The following CBFA2T3 variants were observed in gnomAD, a reference collection of about 807,000 sequenced individuals.
CBFA2T3 encodes the protein CBFA2/RUNX1 partner transcriptional co-repressor 3.
In CBFA2T3, 31 loss-of-function variants were observed where a neutral mutation model predicts 58.6. That is an observed-to-expected ratio of 0.53 (90% confidence interval 0.40 to 0.71). The LOEUF (loss-of-function observed/expected upper bound fraction) is 0.71. CBFA2T3 is among the 30% of genes least tolerant of loss of function. CBFA2T3 has a pLI of 0.00. For missense variants in CBFA2T3, 1,076 were observed against 963.1 expected (o/e 1.12, Z -1.55); for synonymous variants, 531 against 421.9 (o/e 1.26, Z -3.17).
rs141249194 is a variant in CBFA2T3 at position 88,901,576 on chromosome 16, G to C, written c.232C>G (p.Pro78Ala). 3.3e-6 allele frequency: 5 copies of C among 1,503,302 alleles called. No homozygotes were observed. In the Admixed American group the frequency reaches 8.1e-5, roughly 24 times the overall value. 93.1% of individuals were successfully genotyped at this position (1,503,302 alleles called of 1,614,324 possible). Residue 78 changes from proline (P) to alanine (A), a missense_variant, in exon 2 of 12, where the codon CCC becomes GCC. Transcript: ENST00000268679. Reference protein sequence around the residue: ...EVKTQPRSTPPSMPPPPPAAS... With the variant: ...EVKTQPRSTPASMPPPPPAAS... ...GCAGGCGGTGGGGGCGGCATGCTGG[G>C]GGGTGTGGACCGGGGCTGCGTCTTC...
chr16:88,891,756 T>C (rs1597678952), intron 5 of CBFA2T3, 126 bp downstream of exon 5: 4 of 673,162 alleles, frequency 5.9e-6, no homozygotes, highest in Non-Finnish European at 7.9e-6. Flanking sequence ...CACCTCTTCA[T>C]CCACCTGCCT....
intron 1 of CBFA2T3, chr16:88,951,011 G>A (rs111581529): frequency 7.8e-6 from 3 of 384,314 alleles, no homozygotes; most frequent in Admixed American, 2.9e-5. Flanking sequence ...TTCACCCCTC[G>A]CCTGGACCGG....
intron 1 of CBFA2T3, among the ~76,000 whole-genome samples, chr16:88,967,284 C>T (rs1316079363): frequency 6.6e-6 from 1 of 152,010 alleles, no homozygotes; most frequent in African/African-American, 2.4e-5. Context: ...CAGTCAGCCT[C>T]GCAGGTGTCG....
rs550135425 is a variant in CBFA2T3 at position 88,887,452 on chromosome 16, G to A, written c.712-1310C>T. ...ACATCTGGATCCCTGGCTGGCTGGG[G>A]CCAGCTGAGGCCAGCTGGGAGCCGG... On this transcript the variant is annotated intron_variant, in intron 5 of 11. Coordinates refer to ENST00000268679, the MANE Select transcript of CBFA2T3 (RefSeq NM_005187.6). Among the ~76,000 whole-genome samples, 18 of 152,312 alleles carry A rather than the reference G, an allele frequency of 1.2e-4. No homozygotes were observed. In the East Asian group the frequency reaches 2.9e-3, roughly 24 times the overall value.
At position 88,876,879 on chromosome 16, in the gene CBFA2T3, CAGGCCAGGCATCGG is replaced by C; in HGVS notation, c.*83_*96del. 1.0e-6 allele frequency: 1 copy of C among 997,310 alleles called. No individual in the cohort carries two copies. The highest frequency in any genetic ancestry group is 1.4e-6 in the Non-Finnish European group (1 of 726,140). 61.8% of individuals were successfully genotyped at this position (997,310 alleles called of 1,614,324 possible). A position where few individuals can be genotyped will look rare whatever the true frequency, so the allele number is the denominator to read the frequency against. On this transcript the variant is annotated 3_prime_UTR_variant, in exon 12 of 12. Transcript: ENST00000268679. ...AGGTCAGGCGGGGCGCAGTGTCTGG[CAGGCCAGGCATCGG>C]AGGCCAGGCACAGCATCCGGTGGGC... is the stretch of plus-strand genomic sequence containing the variant.
chr16:88,958,796 T>C lies in CBFA2T3; in HGVS notation c.151+17861A>G, dbSNP rs1425617781. 5.3e-5 allele frequency among the ~76,000 whole-genome samples: 8 copies of C among 152,086 alleles called. No homozygotes were observed. The highest frequency in any genetic ancestry group is 2.6e-4 in the Admixed American group (4 of 15,282). On this transcript the variant is annotated intron_variant, in intron 1 of 11. Transcript: ENST00000268679. The surrounding 1 kb of genome is among the most constrained non-coding windows in gnomAD (Gnocchi z 4.0). ...CCAGGTCTGCGCTGGCTCTGGGCTC[T>C]TCCCGCTGCAGGTGTGGGTCCCCCG... is the stretch of plus-strand genomic sequence containing the variant.
intron 5 of CBFA2T3, 38 bp from the exon 6 acceptor site, chr16:88,886,180 G>C (rs889923404): frequency 4.8e-6 from 7 of 1,465,536 alleles, no homozygotes; most frequent in Non-Finnish European, 1.8e-6. Context: ...TAGCATGCAG[G>C]GGTGCACAGC....
rs377340294 is a variant in CBFA2T3 at position 88,974,017 on chromosome 16, C to T, written c.151+2640G>A. ...CCACGTCGTCCCTCTAAGGTGACAC[C>T]AGGCAGGCCTGACTCAGTTTCTCCC... On this transcript the variant is annotated intron_variant, in intron 1 of 11. Transcript: ENST00000268679. Among the ~76,000 whole-genome samples, 4 of 152,188 alleles carry T rather than the reference C, an allele frequency of 2.6e-5. No individual in the cohort carries two copies. In the South Asian group the frequency reaches 8.3e-4, roughly 32 times the overall value.
At chr16:88,938,370 G>GACAGGGACTGGGCGGGGCTGA (rs1971580142) in intron 1 of CBFA2T3, 1 of 152,460 alleles carries the variant, frequency 6.6e-6, no homozygotes, top group African/African-American at 2.4e-5. Context: ...GGCGGGGCTG[G>GACAGGGACTGGGCGGGGCTGA]ACAGGGGCCT....
Position 88,882,689 on chromosome 16 carries a change from T to C in CBFA2T3, c.1190A>G (p.Lys397Arg), listed in dbSNP as rs367978539. The change falls in exon 8 of 12, where the codon AAG becomes AGG. Residue 397 changes from lysine (K) to arginine (R), a missense_variant. Lys to Arg is a conservative substitution (Grantham distance 26). Transcript: ENST00000268679. ...LTEREWAEEWKHLNNLLNCIM... is the reference protein window; with the variant it reads ...LTEREWAEEWRHLNNLLNCIM... The stretch of plus-strand genomic sequence containing the variant: ...GTGGACACTCACGTTGTTGAGGTGC[T>C]TCCACTCTTCTGCCCACTCACGCTC... 3.2e-6 allele frequency: 5 copies of C among 1,585,362 alleles called. No individual in the cohort carries two copies. In the African/African-American group the frequency reaches 5.4e-5, roughly 17 times the overall value.
At chr16:88,881,005 G>A (rs1969047437) in intron 9 of CBFA2T3, 1 of 680,018 alleles carries the variant, frequency 1.5e-6, no homozygotes, top group African/African-American at 1.8e-5. Flanking sequence ...TCGGCTGGGA[G>A]CCGTGTGTGT....
chr16:88,894,602 AATG>A (rs1969810652), intron 3 of CBFA2T3, among the ~76,000 whole-genome samples: 1 of 143,332 alleles, frequency 7.0e-6, no homozygotes, highest in African/African-American at 3.0e-5. Context: ...ACATGCACAC[AATG>A]TACACACATG....
At chr16:88,882,266 C>T (rs1349167442) in intron 8 of CBFA2T3, among the ~76,000 whole-genome samples, 1 of 152,226 alleles carries the variant, frequency 6.6e-6, no homozygotes, top group Non-Finnish European at 1.5e-5. Flanking sequence ...AGAGCCATGG[C>T]CGTGTTTATG....
intron 1 of CBFA2T3, among the ~76,000 whole-genome samples, chr16:88,974,969 C>A (rs993126016): frequency 1.3e-5 from 2 of 152,160 alleles, no homozygotes. Context: ...GGAATAGGGC[C>A]GGGTGGTTGC....
chr16:88,907,371 G>A (rs1357598268), intron 1 of CBFA2T3, among the ~76,000 whole-genome samples: 1 of 152,170 alleles, frequency 6.6e-6, no homozygotes, highest in Non-Finnish European at 1.5e-5. Flanking sequence ...CTCCTGCTGG[G>A]GTGGGTGGGG....
At chr16:88,945,979 C>T (rs961051885) in intron 1 of CBFA2T3, among the ~76,000 whole-genome samples, 3 of 152,100 alleles carry the variant, frequency 2.0e-5, no homozygotes, top group South Asian at 4.1e-4. Context: ...GAGTGTTATC[C>T]ATGACAAAAG....
At chr16:88,922,307 T>C (rs73254282) in intron 1 of CBFA2T3, among the ~76,000 whole-genome samples, 4,512 of 152,336 alleles carry the variant, frequency 0.03, 233 homozygotes, top group African/African-American at 0.1. Flanking sequence ...AGAGCCGGTC[T>C]AGCCAGAGTA....
At chr16:88,929,601 G>A (rs1290954369) in intron 1 of CBFA2T3, among the ~76,000 whole-genome samples, 1 of 151,916 alleles carries the variant, frequency 6.6e-6, no homozygotes, top group East Asian at 1.9e-4. Flanking sequence ...CCACGCAAAA[G>A]TCACCAATAC....
At chr16:88,883,408 G>C (rs1384082677) in intron 7 of CBFA2T3, 1 of 155,834 alleles carries the variant, frequency 6.4e-6, no homozygotes, top group Non-Finnish European at 1.4e-5. Context: ...GCCGAGGCCA[G>C]GGCTCTCGGA....
Sources: gnomAD v4.1 joint callset for allele counts (sites outside exome capture counted in the v4.1 genomes callset) on GRCh38, gnomAD v4.1.1 for gene constraint, Gnocchi (gnomAD v3.1) non-coding constraint, MANE v1.5 for transcripts, NCBI Gene and HGNC (gene_info 2026-07-23, HGNC 2026-07-21) for gene names.